Variants in PRKG1 observed in about 807,000 individuals in gnomAD.
PRKG1 encodes protein kinase cGMP-dependent 1, also known as cGMP-dependent protein kinase 1.
PRKG1 carries 35 observed loss-of-function variants against 88.1 expected under a neutral mutation model. The observed-to-expected ratio is 0.40, with a 90% CI of 0.30 to 0.53. The LOEUF (loss-of-function observed/expected upper bound fraction) is 0.53, where lower values mean the gene tolerates loss of function less well. Ranked by LOEUF, PRKG1 falls within the 20% of genes least tolerant of loss-of-function variation. The probability of loss-of-function intolerance (pLI) is 0.59; values close to 1 mark genes in which losing one functional copy is unlikely to be tolerated. For synonymous variants in PRKG1, 303 were observed against 292.5 expected (o/e 1.04, Z -0.37); for missense variants, 540 against 839.8 (o/e 0.64, Z 4.41).
At chr10:51,148,137 G>A (rs77993364) in intron 1 of PRKG1, 12,467 of 517,132 alleles carry the variant, frequency 0.024, 201 homozygotes, top group African/African-American at 0.047. Context: ...AAAATAACTC[G>A]GAATTAGAAA....
At chr10:52,239,649 C>G (rs1840804971) in intron 9 of PRKG1, among the ~76,000 whole-genome samples, 1 of 150,658 alleles carries the variant, frequency 6.6e-6, no homozygotes, top group Admixed American at 6.6e-5. Flanking sequence ...GGCTGTTCAA[C>G]TAGATATATA....
Position 51,083,775 on chromosome 10 carries a change from G to C in PRKG1, c.311+8874G>C, listed in dbSNP as rs1589140081. ...GGGGAAATGAGAATTCCTAAACCCT[G>C]TGGTCAGACCTCACTGCTGCCCCTA... On this transcript the variant is annotated intron_variant, in intron 1 of 17. Coordinates refer to ENST00000373980, the MANE Select transcript of PRKG1 (RefSeq NM_006258.4). 2.0e-5 allele frequency among the ~76,000 whole-genome samples: 3 copies of C among 152,140 alleles called. No homozygotes were observed. The East Asian group carries it at 5.8e-4, about 29-fold the overall frequency.
rs374634313 is a variant in PRKG1, at chr10:51,400,071, TTCTA to T, written c.479-67647_479-67644del. On this transcript the variant is annotated intron_variant, in intron 2 of 17. Coordinates refer to ENST00000373980, the MANE Select transcript of PRKG1 (RefSeq NM_006258.4). ...TAATTAGCCAGTCATTGTTGGTTGT[TTCTA>T]TCTAAGAACCAGGTCTGATTCATTT... Among the ~76,000 whole-genome samples, 127 of 152,302 alleles carry T rather than the reference TTCTA, an allele frequency of 8.3e-4. 1 individual carries two copies. The highest frequency in any genetic ancestry group is 3.4e-3 in the Middle Eastern group (1 of 294).
rs550099473 is a variant in PRKG1, at chr10:51,669,209, T to C, written c.593-135376T>C. ...TAAACAACAGCCATTTATTTTCCTA[T>C]AGTTCTGAGGGCTGGAAGTCTGAGA... On this transcript the variant is annotated intron_variant, in intron 3 of 17. Coordinates refer to ENST00000373980, the MANE Select transcript of PRKG1 (RefSeq NM_006258.4). Among the ~76,000 whole-genome samples, 16 of 152,324 alleles carry C rather than the reference T, an allele frequency of 1.1e-4. 1 individual carries two copies. In the South Asian group the frequency reaches 2.7e-3, roughly 26 times the overall value.
At chr10:51,241,145 C>T (rs1839141112) in intron 2 of PRKG1, among the ~76,000 whole-genome samples, 1 of 152,124 alleles carries the variant, frequency 6.6e-6, no homozygotes, top group African/African-American at 2.4e-5. Context: ...CCCAAGTTCA[C>T]TGAGCTAGTA....
At chr10:51,484,382 T>A (rs1012908891) in intron 3 of PRKG1, among the ~76,000 whole-genome samples, 42 of 152,188 alleles carry the variant, frequency 2.8e-4, no homozygotes, top group African/African-American at 9.9e-4. Flanking sequence ...ACATTTTATC[T>A]TATTTTTAAA....
At chr10:52,137,978 A>G (rs2132644078) in intron 8 of PRKG1, among the ~76,000 whole-genome samples, 1 of 152,234 alleles carries the variant, frequency 6.6e-6, no homozygotes, top group African/African-American at 2.4e-5. Flanking sequence ...AGCAACTTAT[A>G]ATTATTAGTA....
Position 51,278,123 on chromosome 10 carries a change from G to A in PRKG1, c.478+124793G>A, listed in dbSNP as rs538564193. Reference sequence around the variant, plus strand: ...AATAGCTCTTATCATTTGGAGATACGTCCCATCAATACCTAATTTATTGAG... The same window carrying A: ...AATAGCTCTTATCATTTGGAGATACATCCCATCAATACCTAATTTATTGAG... On this transcript the variant is annotated intron_variant, in intron 2 of 17. Transcript: ENST00000373980. Among the ~76,000 whole-genome samples, 159 of 152,196 alleles carry A rather than the reference G, an allele frequency of 1.0e-3. 1 individual carries two copies. Among genetic ancestry groups the A allele is most frequent in the South Asian group, 2.7e-3 (13 of 4,814 alleles).
chr10:51,035,686 C>T (rs535353812), intron 1 of PRKG1, among the ~76,000 whole-genome samples: 85 of 152,206 alleles, frequency 5.6e-4, no homozygotes, highest in African/African-American at 1.9e-3. Flanking sequence ...TTAAAAAATA[C>T]TTTTAGTTAA....
chr10:51,155,618 G>A (rs1295637182), intron 2 of PRKG1, among the ~76,000 whole-genome samples: 2 of 151,982 alleles, frequency 1.3e-5, no homozygotes, highest in Non-Finnish European at 2.9e-5. Flanking sequence ...TAGGATGTGT[G>A]TGTCTATATA....
intron 1 of PRKG1, among the ~76,000 whole-genome samples, chr10:51,106,777 T>C (rs1041251093): frequency 2.0e-4 from 31 of 152,164 alleles, no homozygotes; most frequent in African/African-American, 7.5e-4. Context: ...AACTTCATGG[T>C]GGGGACATCA....
chr10:51,414,812 C>G (rs1388289056), intron 2 of PRKG1, among the ~76,000 whole-genome samples: 2 of 152,130 alleles, frequency 1.3e-5, no homozygotes, highest in African/African-American at 4.8e-5. Context: ...CCACATAATT[C>G]TTTTCTGCAT....
At chr10:51,921,536 G>A (rs1781107706) in intron 5 of PRKG1, among the ~76,000 whole-genome samples, 1 of 152,068 alleles carries the variant, frequency 6.6e-6, no homozygotes, top group South Asian at 2.1e-4. Flanking sequence ...AAGTATGTTA[G>A]CCGTAGGCTC....
intron 7 of PRKG1, among the ~76,000 whole-genome samples, chr10:52,121,604 C>T (rs1847820681): frequency 6.6e-6 from 1 of 152,208 alleles, no homozygotes; most frequent in South Asian, 2.1e-4. Flanking sequence ...TAAATTTCAT[C>T]TTTAATAAAG....
intron 5 of PRKG1, among the ~76,000 whole-genome samples, chr10:51,997,330 G>A (rs1167304849): frequency 6.6e-6 from 1 of 151,866 alleles, no homozygotes; most frequent in South Asian, 2.1e-4. Flanking sequence ...AATTAGCTGG[G>A]CGTGGTGGTG....
intron 4 of PRKG1, among the ~76,000 whole-genome samples, chr10:51,887,068 C>T (rs933509258): frequency 5.3e-5 from 8 of 152,170 alleles, no homozygotes; most frequent in African/African-American, 1.9e-4. Context: ...TCACTGCAAC[C>T]TCTGCCTCCT....
chr10:51,831,780 C>A (rs2132754017), intron 4 of PRKG1, among the ~76,000 whole-genome samples: 1 of 152,254 alleles, frequency 6.6e-6, no homozygotes, highest in African/African-American at 2.4e-5. Context: ...GAACTCCATG[C>A]TTCTTCCATA....
At chr10:51,013,736 A>G (rs1342010552) in intron 1 of PRKG1, among the ~76,000 whole-genome samples, 1 of 152,166 alleles carries the variant, frequency 6.6e-6, no homozygotes, top group East Asian at 1.9e-4. Flanking sequence ...CTAATGAGAA[A>G]ACAGGTATAG....
At chr10:52,140,829 C>G (rs367769111) in intron 8 of PRKG1, among the ~76,000 whole-genome samples, 1 of 152,030 alleles carries the variant, frequency 6.6e-6, no homozygotes, top group Non-Finnish European at 1.5e-5. Context: ...ATTTGCCCAC[C>G]GAGGTCACCT....
Sources: gnomAD v4.1 joint callset for allele counts (sites outside exome capture counted in the v4.1 genomes callset) on GRCh38, gnomAD v4.1.1 for gene constraint, MANE v1.5 for transcripts, NCBI Gene and HGNC (gene_info 2026-07-23, HGNC 2026-07-21) for gene names.